Variants in CENPL observed in about 807,000 individuals in gnomAD.
The protein encoded by CENPL is centromere protein L.
CENPL carries 20 observed loss-of-function variants against 35.2 expected under a neutral mutation model. That is an observed-to-expected ratio of 0.57 (90% CI 0.40 to 0.83). The LOEUF (loss-of-function observed/expected upper bound fraction) is 0.83, where lower values mean the gene tolerates loss of function less well. Ranked by LOEUF, CENPL falls within the 40% of genes least tolerant of loss-of-function variation. The pLI, the probability that CENPL is intolerant of heterozygous loss-of-function variation, is 0.00. For missense variants in CENPL, 363 were observed against 395.8 expected, an observed-to-expected ratio of 0.92 and a Z score of 0.70; for synonymous variants, 140 against 140.6, an observed-to-expected ratio of 1.00 and a Z score of 0.03.
At chr1:173,815,151 C>A (rs1651231230) in intron 2 of CENPL, among the ~76,000 whole-genome samples, 1 of 152,146 alleles carries the variant, frequency 6.6e-6, no homozygotes, top group Non-Finnish European at 1.5e-5. Context: ...AGTCGAATCA[C>A]TGAATAGAAC....
rs1358009223 is a variant in CENPL, at chr1:173,811,145, C to T, written c.155G>A (p.Cys52Tyr). 2 of 1,612,312 alleles carry T rather than the reference C, an allele frequency of 1.2e-6. No individual in the cohort carries two copies. Among genetic ancestry groups the T allele is most frequent in the Non-Finnish European group, 1.7e-6 (2 of 1,178,606 alleles). ...LTPPRRKIPQ[C>Y]SQLQEDVDPQ... The stretch of plus-strand genomic sequence containing the variant: ...CAAAAAGCATACCTGCAACTGCGAA[C>T]ACTGGGGAATTTTCCTTCGAGGTGG... Residue 52 changes from cysteine to tyrosine, a missense_variant, in exon 3 of 6, where the codon TGT (cysteine) becomes TAT (tyrosine). Coordinates refer to ENST00000682279, the MANE Select transcript of CENPL (RefSeq NM_001387287.1).
At chr1:173,815,548 A>G (rs368399574) in intron 2 of CENPL, among the ~76,000 whole-genome samples, 214 of 152,316 alleles carry the variant, frequency 1.4e-3, no homozygotes, top group Middle Eastern at 0.01. Flanking sequence ...AAATCAATAA[A>G]TGTAATTCAT....
In CENPL at chr1:173,815,904, T is replaced by C. The variant is rs528043859; in HGVS notation, c.-7-4598A>G. On this transcript the variant is annotated intron_variant, in intron 2 of 5. Coordinates refer to ENST00000682279, the MANE Select transcript of CENPL (RefSeq NM_001387287.1). ...AAAAGAGGAAGTCAAATTGTCCCTGTTTGCAGATGACATGACTGTATATTT... is the reference window on the plus strand; with the variant it reads ...AAAAGAGGAAGTCAAATTGTCCCTGCTTGCAGATGACATGACTGTATATTT... Among the ~76,000 whole-genome samples the C allele has an allele frequency of 2.0e-5, 3 of 152,358 alleles. No homozygotes were observed. The South Asian group carries it at 6.2e-4, about 32-fold the overall frequency.
At chr1:173,817,093 G>A (rs765288132) in intron 2 of CENPL, among the ~76,000 whole-genome samples, 1 of 151,868 alleles carries the variant, frequency 6.6e-6, no homozygotes, top group Non-Finnish European at 1.5e-5. Context: ...AGCCAAAATC[G>A]TGCCCCTGCA....
At chr1:173,807,588 A>G in intron 3 of CENPL, 70 bp from the exon 4 acceptor site, 3 of 1,238,870 alleles carry the variant, frequency 2.4e-6, no homozygotes, top group Non-Finnish European at 2.2e-6. Context: ...CATAGCATTT[A>G]AAACATCTAA....
intron 2 of CENPL, among the ~76,000 whole-genome samples, chr1:173,820,247 C>A (rs915449634): frequency 7.9e-5 from 12 of 152,066 alleles, no homozygotes; most frequent in African/African-American, 2.9e-4. Context: ...TCAGATTTAA[C>A]CTGTAACTTC....
At chr1:173,801,927 G>C (rs553077795) in intron 5 of CENPL, among the ~76,000 whole-genome samples, 1 of 152,076 alleles carries the variant, frequency 6.6e-6, no homozygotes, top group Admixed American at 6.5e-5. Flanking sequence ...GGAGGCTGAG[G>C]CACGAGAATC....
intron 2 of CENPL, among the ~76,000 whole-genome samples, chr1:173,820,799 ATATAAAATTTCATACATT>A (rs1325640660): frequency 1.3e-5 from 2 of 152,236 alleles, no homozygotes; most frequent in Non-Finnish European, 2.9e-5. Flanking sequence ...AAAAGGTCAC[ATATAAAATTTCATACATT>A]TAACATTTTT....
Position 173,811,114 on chromosome 1 carries a change from G to A in CENPL, c.168+18C>T. On this transcript the variant is annotated intron_variant, in intron 3 of 5. Transcript: ENST00000682279. ...ATTCTCAATTATTGACTAACACAAA[G>A]GGACACAAAAAGCATACCTGCAACT... 1 of 1,604,258 alleles carries A rather than the reference G, an allele frequency of 6.2e-7. No homozygotes were observed. Among genetic ancestry groups the A allele is most frequent in the Non-Finnish European group, 8.5e-7 (1 of 1,172,130 alleles).
intron 2 of CENPL, among the ~76,000 whole-genome samples, chr1:173,816,511 G>A (rs551706255): frequency 6.7e-4 from 102 of 152,132 alleles, no homozygotes; most frequent in Non-Finnish European, 1.1e-3. Flanking sequence ...ACAGAACAGA[G>A]GCCTCAGAAA....
intron 2 of CENPL, 34 bp from the exon 3 acceptor site, chr1:173,811,340 C>T (rs1257641598): frequency 2.1e-6 from 3 of 1,462,922 alleles, no homozygotes; most frequent in South Asian, 2.5e-5. Context: ...GAATTCTAAG[C>T]ACTAAAAAGT....
chr1:173,819,486 G>A lies in CENPL; in HGVS notation c.-8+4440C>T, dbSNP rs543019758. 3.9e-5 allele frequency among the ~76,000 whole-genome samples: 6 copies of A among 152,058 alleles called. 1 individual carries two copies. The highest frequency in any genetic ancestry group is 1.4e-4 in the African/African-American group (6 of 41,490). On this transcript the variant is annotated intron_variant, in intron 2 of 5. Coordinates refer to ENST00000682279, the MANE Select transcript of CENPL (RefSeq NM_001387287.1). ...CACACCTGTAGTCCCAGCTACTCAG[G>A]AGGCTGAGAGGAGAATCGCTTGAAC...
At chr1:173,813,524 C>T (rs1345070682) in intron 2 of CENPL, among the ~76,000 whole-genome samples, 18 of 152,198 alleles carry the variant, frequency 1.2e-4, no homozygotes, top group Non-Finnish European at 2.5e-4. Context: ...CAATATTCAA[C>T]ATTCTTAAAG....
chr1:173,816,352 A>C (rs1452959693), intron 2 of CENPL, among the ~76,000 whole-genome samples: 1 of 152,156 alleles, frequency 6.6e-6, no homozygotes, highest in Non-Finnish European at 1.5e-5. Flanking sequence ...TCATACGGAA[A>C]CAAAAAAGAG....
At chr1:173,815,336 T>C (rs1295019186) in intron 2 of CENPL, among the ~76,000 whole-genome samples, 1 of 152,226 alleles carries the variant, frequency 6.6e-6, no homozygotes, top group African/African-American at 2.4e-5. Flanking sequence ...ACTCATTTTA[T>C]GAGGCCAGCA....
rs112915941 is a variant in CENPL, at chr1:173,812,083, T to C, written c.-7-777A>G. 1.3e-3 allele frequency among the ~76,000 whole-genome samples: 198 copies of C among 152,368 alleles called. 3 individuals are homozygous for C. Among genetic ancestry groups the C allele is most frequent in the African/African-American group, 3.9e-3 (164 of 41,598 alleles). The stretch of plus-strand genomic sequence containing the variant: ...TCACTGCTAGCCCAGCAGCCTGAGA[T>C]TGACCTGCGAGACAGCAGCCTCGTG... On this transcript the variant is annotated intron_variant, in intron 2 of 5. Transcript: ENST00000682279.
intron 2 of CENPL, among the ~76,000 whole-genome samples, chr1:173,821,538 T>C (rs1255750680): frequency 6.6e-6 from 1 of 152,150 alleles, no homozygotes; most frequent in Non-Finnish European, 1.5e-5. Context: ...AGGGATGGTT[T>C]TGAAAAAACA....
At position 173,800,476 on chromosome 1, in the gene CENPL, G is replaced by C; in HGVS notation, c.1007C>G (p.Thr336Arg). The change falls in exon 6 of 6, where the codon ACA becomes AGA. Residue 336 changes from threonine (T) to arginine (R), a missense_variant. Thr to Arg is a moderately conservative substitution (Grantham distance 71, BLOSUM62 -1). Transcript: ENST00000682279. ...KYLIGVLAYL[T>R]ELAIFQIE ...CTCAATTTGAAAAATTGCCAGTTCT[G>C]TCAAATATGCTAACACTCCAATAAG... is the stretch of plus-strand genomic sequence containing the variant. The C allele has an allele frequency of 6.7e-7, 1 of 1,493,684 alleles. No individual in the cohort carries two copies. Among genetic ancestry groups the C allele is most frequent in the South Asian group, 1.1e-5 (1 of 87,712 alleles). 92.5% of individuals were successfully genotyped at this position (1,493,684 alleles called of 1,614,324 possible). A position where few individuals can be genotyped will look rare whatever the true frequency, so the allele number is the denominator to read the frequency against.
Position 173,815,360 on chromosome 1 carries a change from A to G in CENPL, c.-7-4054T>C, listed in dbSNP as rs148196928. Among the ~76,000 whole-genome samples the G allele has an allele frequency of 3.0e-4, 46 of 152,350 alleles. 1 individual carries two copies. In the East Asian group the frequency reaches 7.7e-3, roughly 26 times the overall value. On this transcript the variant is annotated intron_variant, in intron 2 of 5. Transcript: ENST00000682279. ...ATGAGGCCAGCATCATCCTGATGCC[A>G]AAGCCTGGCAGAGACACAACAAAAA...
Sources: gnomAD v4.1 joint callset for allele counts (sites outside exome capture counted in the v4.1 genomes callset) on GRCh38, gnomAD v4.1.1 for gene constraint, MANE v1.5 for transcripts, NCBI Gene and HGNC (gene_info 2026-07-23, HGNC 2026-07-21) for gene names.